DENND4C: variants seen among roughly 807,000 people sequenced by gnomAD.
DENND4C encodes DENN domain containing 4C, also known as DENN domain-containing protein 4C.
A neutral mutation model predicts 203.0 loss-of-function variants in DENND4C; 108 were observed. The ratio of observed to expected loss-of-function variants is 0.53; its 90% CI spans 0.46 to 0.62. The LOEUF is 0.62. Among genes scored for constraint, DENND4C ranks in the 20% least tolerant of loss-of-function variants. The pLI is 0.00. For synonymous variants in DENND4C, 871 were observed against 792.4 expected (o/e 1.10, Z -1.67); for missense variants, 2,481 against 2,301.2 (o/e 1.08, Z -1.60).
In DENND4C at chr9:19,351,066, C is replaced by G. The variant is rs77180970; in HGVS notation, c.4495+187C>G. On this transcript the variant is annotated intron_variant, in intron 24 of 32. Transcript: ENST00000434457. Reference sequence around the variant, plus strand: ...GCGTGAGCCACAGCGCCTGGCCTGTCTTTGCTTATTTTAATTTAGATGCCT... The same window carrying G: ...GCGTGAGCCACAGCGCCTGGCCTGTGTTTGCTTATTTTAATTTAGATGCCT... Among the ~76,000 whole-genome samples, 144 of 152,034 alleles carry G rather than the reference C, an allele frequency of 9.5e-4. 1 individual carries two copies. The highest frequency in any genetic ancestry group is 3.3e-3 in the African/African-American group (136 of 41,484).
intron 1 of DENND4C, among the ~76,000 whole-genome samples, chr9:19,262,696 T>G (rs1829673054): frequency 6.6e-6 from 1 of 152,012 alleles, no homozygotes; most frequent in Admixed American, 6.6e-5. Flanking sequence ...CCTCCCAGAG[T>G]GCTGGGATTA....
intron 23 of DENND4C, among the ~76,000 whole-genome samples, chr9:19,347,917 A>T (rs747683676): frequency 1.1e-4 from 17 of 152,224 alleles, no homozygotes; most frequent in Non-Finnish European, 2.1e-4. Context: ...AAAACGTTAT[A>T]CATAGAGTTA....
chr9:19,365,560 G>T (rs76319557), intron 30 of DENND4C, among the ~76,000 whole-genome samples: 1 of 151,808 alleles, frequency 6.6e-6, no homozygotes, highest in Admixed American at 6.6e-5. Context: ...AAAAGAAAAG[G>T]CATCCAAACT....
At chr9:19,324,996 G>A (rs936937172) in intron 13 of DENND4C, among the ~76,000 whole-genome samples, 1 of 152,074 alleles carries the variant, frequency 6.6e-6, no homozygotes, top group Non-Finnish European at 1.5e-5. Flanking sequence ...GGGATTGCAG[G>A]ATGAGCCGCC....
At chr9:19,349,102 G>C (rs1823540273) in intron 23 of DENND4C, among the ~76,000 whole-genome samples, 1 of 152,100 alleles carries the variant, frequency 6.6e-6, no homozygotes, top group Non-Finnish European at 1.5e-5. Context: ...CCCGGCCTTT[G>C]TTTTATTTTT....
At chr9:19,322,057 T>C in intron 12 of DENND4C, among the ~76,000 whole-genome samples, 1 of 152,176 alleles carries the variant, frequency 6.6e-6, no homozygotes, top group Non-Finnish European at 1.5e-5. Flanking sequence ...TGCATTTTCA[T>C]TGCACTGAAG....
At chr9:19,273,982 A>G (rs1832316325) in intron 1 of DENND4C, among the ~76,000 whole-genome samples, 1 of 152,068 alleles carries the variant, frequency 6.6e-6, no homozygotes, top group Non-Finnish European at 1.5e-5. Context: ...TATCTGTGAT[A>G]GTTTCACACG....
At chr9:19,357,586 G>C (rs866154529) in intron 27 of DENND4C, 2 of 211,484 alleles carry the variant, frequency 9.5e-6, no homozygotes, top group Middle Eastern at 3.9e-3. Flanking sequence ...GTGGATCGTG[G>C]CCTAGTAGAG....
At chr9:19,296,588 C>T (rs1837519974) in intron 6 of DENND4C, among the ~76,000 whole-genome samples, 1 of 152,050 alleles carries the variant, frequency 6.6e-6, no homozygotes, top group South Asian at 2.1e-4. Flanking sequence ...CTCCTGACCT[C>T]ATGGTCCACC....
chr9:19,291,850 A>C (rs1836385756), intron 5 of DENND4C, among the ~76,000 whole-genome samples: 1 of 152,198 alleles, frequency 6.6e-6, no homozygotes, highest in Non-Finnish European at 1.5e-5. Flanking sequence ...TAGAAGGTCT[A>C]ATAGATATTT....
chr9:19,272,928 T>C (rs1359060900), intron 1 of DENND4C, among the ~76,000 whole-genome samples: 236 of 147,180 alleles, frequency 1.6e-3, no homozygotes, highest in African/African-American at 5.5e-3. Context: ...CCACTACGCC[T>C]GGCTAATTTT....
intron 1 of DENND4C, among the ~76,000 whole-genome samples, chr9:19,272,681 A>G (rs374501796): frequency 6.6e-6 from 1 of 152,338 alleles, no homozygotes; most frequent in East Asian, 1.9e-4. Context: ...ACCTAAATGT[A>G]AAACCTAAAA....
rs768506716 is a variant in DENND4C at position 19,350,871 on chromosome 9, A to T, written c.4487A>T (p.Tyr1496Phe). 1 of 1,612,830 alleles carries T rather than the reference A, an allele frequency of 6.2e-7. No individual in the cohort carries two copies. Among genetic ancestry groups the T allele is most frequent in the South Asian group, 1.1e-5 (1 of 90,778 alleles). The change falls in exon 24 of 33, where the codon TAT (tyrosine) becomes TTT (phenylalanine). Residue 1496 changes from tyrosine (Y) to phenylalanine (F), a missense_variant. Tyr to Phe is a conservative substitution (Grantham distance 22). This residue lies in a region of DENND4C where 2,289 missense variants were observed against 2,113.3 expected (regional missense o/e 1.08). Transcript: ENST00000434457. ...AGTGGAGATGTAGGAAAACTGCATTATCCAACAGGTATGGGGAAGGATTAT... is the reference window on the plus strand; with the variant it reads ...AGTGGAGATGTAGGAAAACTGCATTTTCCAACAGGTATGGGGAAGGATTAT... ...SSSGDVGKLH[Y>F]PTGEVPFPRG...
Position 19,284,994 on chromosome 9 carries a change from T to C in DENND4C, c.306-1775T>C, listed in dbSNP as rs955064044. 3.3e-5 allele frequency among the ~76,000 whole-genome samples: 5 copies of C among 152,322 alleles called. No individual in the cohort carries two copies. The South Asian group carries it at 1.0e-3, about 32-fold the overall frequency. On this transcript the variant is annotated intron_variant, in intron 2 of 32. Transcript: ENST00000434457. ...TACTTTTAGCACTAGTATGATTTAA[T>C]TCCTTATGTTTAGATCTGTGATCCA...
At chr9:19,343,540 T>C (rs1278538110) in intron 22 of DENND4C, among the ~76,000 whole-genome samples, 2 of 152,368 alleles carry the variant, frequency 1.3e-5, no homozygotes, top group South Asian at 4.1e-4. Flanking sequence ...AATGTAAAAG[T>C]ACTCCTTGTT....
At chr9:19,357,324 T>C (rs1563838618) in intron 27 of DENND4C, 170 bp downstream of exon 27, 3 of 584,152 alleles carry the variant, frequency 5.1e-6, no homozygotes, top group Non-Finnish European at 8.7e-6. Flanking sequence ...AATCTGATGA[T>C]AAACCATTTT....
intron 1 of DENND4C, among the ~76,000 whole-genome samples, chr9:19,260,265 C>G (rs1427697907): frequency 6.6e-6 from 1 of 152,126 alleles, no homozygotes; most frequent in Non-Finnish European, 1.5e-5. Context: ...GTTTGACATT[C>G]ATATGTCTTC....
chr9:19,261,369 A>G (rs1236827725), intron 1 of DENND4C, among the ~76,000 whole-genome samples: 1 of 145,708 alleles, frequency 6.9e-6, no homozygotes, highest in Non-Finnish European at 1.5e-5. Flanking sequence ...AAATTTTAGG[A>G]TTTATTTTTC....
At chr9:19,284,938 T>A (rs1834885609) in intron 2 of DENND4C, among the ~76,000 whole-genome samples, 1 of 152,168 alleles carries the variant, frequency 6.6e-6, no homozygotes, top group Admixed American at 6.5e-5. Context: ...GTACTGGATT[T>A]TGAGTCATAG....
Sources: allele counts gnomAD v4.1 joint callset (sites outside exome capture counted in the v4.1 genomes callset), GRCh38; gene constraint gnomAD v4.1.1; regional missense constraint gnomAD v4.1.1; transcripts MANE v1.5; gene names NCBI Gene and HGNC (gene_info 2026-07-23, HGNC 2026-07-21).